Variants in CD99 observed in about 807,000 individuals in gnomAD.
CD99 encodes CD99 molecule (Xg blood group).
CD99 carries 19 observed loss-of-function variants against 28.4 expected under a neutral mutation model. That is an observed-to-expected ratio of 0.67 (90% confidence interval 0.47 to 0.98). The LOEUF (loss-of-function observed/expected upper bound fraction) is 0.98, where lower values mean the gene tolerates loss of function less well. CD99 is among the 50% of genes least tolerant of loss of function. The probability of loss-of-function intolerance (pLI) is 0.00; values close to 1 mark genes in which losing one functional copy is unlikely to be tolerated. For synonymous variants in CD99, 103 were observed against 92.1 expected (o/e 1.12, Z -0.67); for missense variants, 283 against 248.8 (o/e 1.14, Z -0.92).
chrX:2,739,010 G>A (rs1316369912), intron 9 of CD99, among the ~76,000 whole-genome samples: 1 of 151,890 alleles, frequency 6.6e-6, no homozygotes, highest in Non-Finnish European at 1.5e-5. Context: ...ACCGTGTCCG[G>A]CTGATTTGTT....
At chrX:2,734,807 T>C (rs1056549104) in intron 8 of CD99, among the ~76,000 whole-genome samples, 5 of 151,662 alleles carry the variant, frequency 3.3e-5, no homozygotes, top group Non-Finnish European at 5.9e-5. Context: ...TTTTTTTTCA[T>C]ATTCCTTTTA....
chrX:2,730,461 C>T (rs186950170), intron 8 of CD99, among the ~76,000 whole-genome samples: 130 of 152,214 alleles, frequency 8.5e-4, no homozygotes, highest in African/African-American at 2.3e-3. Context: ...CATGAGCCAC[C>T]GTGCCCGGCC....
chrX:2,732,119 A>C (rs746665270), intron 8 of CD99, among the ~76,000 whole-genome samples: 28 of 151,854 alleles, frequency 1.8e-4, no homozygotes, highest in Admixed American at 1.4e-3. Context: ...CTTCCTACAG[A>C]TTTGAGTTTG....
intron 2 of CD99, among the ~76,000 whole-genome samples, chrX:2,716,878 C>T (rs1434512904): frequency 2.0e-5 from 3 of 152,158 alleles, no homozygotes; most frequent in African/African-American, 4.8e-5. Flanking sequence ...AGAGGCCTGA[C>T]GGGGCCAAAA....
chrX:2,727,006 G>A (rs751762893), intron 8 of CD99, among the ~76,000 whole-genome samples: 5 of 152,226 alleles, frequency 3.3e-5, no homozygotes, highest in South Asian at 2.1e-4. Context: ...GCATGGTGGC[G>A]GGCGTCTGTA....
At chrX:2,706,063 G>GAA (rs3047482) in intron 1 of CD99, among the ~76,000 whole-genome samples, 98,984 of 142,652 alleles carry the variant, frequency 0.69, 34,275 homozygotes, top group Non-Finnish European at 0.74. Context: ...ACGTTAAAAA[G>GAA]AAAAAAAAAA....
chrX:2,733,367 A>T, intron 8 of CD99: 1 of 1,591,626 alleles, frequency 6.3e-7, no homozygotes, highest in Non-Finnish European at 8.6e-7. Flanking sequence ...ATGGCTGAAG[A>T]CCTAGGGGTG....
intron 1 of CD99, among the ~76,000 whole-genome samples, chrX:2,713,332 G>C (rs1225697976): frequency 3.3e-5 from 5 of 150,666 alleles, no homozygotes; most frequent in East Asian, 2.0e-4. Context: ...TACACACACA[G>C]AAACCCACAA....
At chrX:2,729,129 C>T (rs189395363) in intron 8 of CD99, among the ~76,000 whole-genome samples, 4 of 152,232 alleles carry the variant, frequency 2.6e-5, no homozygotes, top group Non-Finnish European at 5.9e-5. Context: ...AGTCAAAGCA[C>T]CCGGCCTCTT....
At position 2,726,533 on chromosome X, in the gene CD99, T is replaced by C. The variant is rs2049294352; in HGVS notation, c.475+160T>C. The C allele has an allele frequency of 3.9e-5, 27 of 698,630 alleles. 1 individual carries two copies. The highest frequency in any genetic ancestry group is 3.6e-4 in the South Asian group (24 of 66,702). 43.3% of individuals were successfully genotyped at this position (698,630 alleles called of 1,614,324 possible). On this transcript the variant is annotated intron_variant, in intron 8 of 9. Coordinates refer to ENST00000381192, the MANE Select transcript of CD99 (RefSeq NM_002414.5). ...AAATTCTGGAATCGAACCTTCTGGC[T>C]TTGATTTCAGGGCTGTTCTGCCTTG...
chrX:2,711,341 G>T (rs1228363786), intron 1 of CD99, among the ~76,000 whole-genome samples: 1 of 148,690 alleles, frequency 6.7e-6, no homozygotes, highest in Non-Finnish European at 1.5e-5. Flanking sequence ...TATATGTAGT[G>T]TGTGTATACA....
chrX:2,720,482 A>T (rs1457598356), intron 5 of CD99, 58 bp downstream of exon 5: 1 of 1,531,032 alleles, frequency 6.5e-7, no homozygotes, highest in African/African-American at 1.4e-5. Flanking sequence ...AGCGATATTT[A>T]TGTCAGCTGA....
At chrX:2,740,717 C>T in intron 9 of CD99, 62 bp from the exon 10 acceptor site, 1 of 1,559,778 alleles carries the variant, frequency 6.4e-7, no homozygotes. Context: ...GTTGTAGGAA[C>T]TGTGTCCACG....
chrX:2,726,152 G>C, intron 7 of CD99, 108 bp from the exon 8 acceptor site: 1 of 680,742 alleles, frequency 1.5e-6, no homozygotes, highest in Non-Finnish European at 2.6e-6. Context: ...GAGATGTTCT[G>C]AGGATCTTGG....
intron 1 of CD99, among the ~76,000 whole-genome samples, chrX:2,710,809 G>A (rs1327621464): frequency 6.7e-6 from 1 of 149,574 alleles, no homozygotes; most frequent in Non-Finnish European, 1.5e-5. Context: ...AAACAGTTAC[G>A]AATTGATCTA....
At chrX:2,713,057 T>C (rs182061397) in intron 1 of CD99, among the ~76,000 whole-genome samples, 1 of 149,282 alleles carries the variant, frequency 6.7e-6, no homozygotes, top group East Asian at 2.0e-4. Flanking sequence ...CAAACACACC[T>C]ACACACATAA....
intron 7 of CD99, 191 bp downstream of exon 7, chrX:2,723,555 C>T (rs2124125134): frequency 1.5e-6 from 1 of 665,492 alleles, no homozygotes; most frequent in East Asian, 2.7e-5. Flanking sequence ...CAGCCCTGCT[C>T]CGGGTGCCCA....
At chrX:2,692,002 G>C in intron 1 of CD99, 1 of 735,496 alleles carries the variant, frequency 1.4e-6, no homozygotes, top group South Asian at 1.4e-5. Flanking sequence ...TTCAGCGCGT[G>C]CTGTGCGCCA....
chrX:2,729,130 C>G (rs2049457513), intron 8 of CD99, among the ~76,000 whole-genome samples: 2 of 152,156 alleles, frequency 1.3e-5, no homozygotes, highest in African/African-American at 4.8e-5. Flanking sequence ...GTCAAAGCAC[C>G]CGGCCTCTTT....
Sources: allele counts gnomAD v4.1 joint callset (sites outside exome capture counted in the v4.1 genomes callset), GRCh38; gene constraint gnomAD v4.1.1; transcripts MANE v1.5; gene names NCBI Gene and HGNC (gene_info 2026-07-23, HGNC 2026-07-21).